Variants in ANO4 observed in about 807,000 individuals in gnomAD.
The protein encoded by ANO4 is anoctamin 4.
A neutral mutation model predicts 141.9 loss-of-function variants in ANO4; 69 were observed. The observed-to-expected ratio is 0.49, with a 90% CI of 0.40 to 0.59. ANO4 has a LOEUF of 0.59. Among genes scored for constraint, ANO4 ranks in the 20% least tolerant of loss-of-function variants. ANO4 has a pLI of 0.00. For synonymous variants in ANO4, 350 were observed against 394.3 expected (o/e 0.89, Z 1.33); for missense variants, 894 against 1,162.2 (o/e 0.77, Z 3.36).
Position 101,079,291 on chromosome 12 carries a change from C to G in ANO4, c.1395+16C>G. On this transcript the variant is annotated intron_variant, in intron 15 of 27. Transcript: ENST00000392977. The stretch of plus-strand genomic sequence containing the variant: ...AGAAGAGGAGGTTTGTATCATTTAC[C>G]TCAGAATGTTGTAAAAAGCAAATCA... 3 of 1,604,078 alleles carry G rather than the reference C, an allele frequency of 1.9e-6. No homozygotes were observed. The highest frequency in any genetic ancestry group is 1.1e-5 in the South Asian group (1 of 90,716).
At position 100,802,034 on chromosome 12, in the gene ANO4, T is replaced by G. The variant is rs540257549; in HGVS notation, c.-141+7007T>G. On this transcript the variant is annotated intron_variant, in intron 1 of 27. Coordinates refer to ENST00000392977, the MANE Select transcript of ANO4 (RefSeq NM_001286615.2). The stretch of plus-strand genomic sequence containing the variant: ...CCCTTTTGCCCTTGAGGGTACACTT[T>G]GCCATTCAAAGTCATCACAAGGAAG... Among the ~76,000 whole-genome samples the G allele has an allele frequency of 3.3e-5, 5 of 152,236 alleles. No individual in the cohort carries two copies. In the East Asian group the frequency reaches 9.7e-4, roughly 29 times the overall value.
At chr12:101,120,722 A>T in intron 26 of ANO4, 97 bp downstream of exon 26, 3 of 943,850 alleles carry the variant, frequency 3.2e-6, no homozygotes, top group Non-Finnish European at 5.0e-6. Context: ...GAATGTGATT[A>T]TCTATATTTC....
intron 14 of ANO4, among the ~76,000 whole-genome samples, chr12:101,069,728 T>C (rs1175675598): frequency 6.6e-5 from 10 of 152,182 alleles, no homozygotes; most frequent in African/African-American, 2.2e-4. Flanking sequence ...GTTTGTACTA[T>C]AACAACAGCA....
At chr12:100,851,517 T>G (rs1050640755) in intron 1 of ANO4, among the ~76,000 whole-genome samples, 1 of 152,224 alleles carries the variant, frequency 6.6e-6, no homozygotes, top group African/African-American at 2.4e-5. Context: ...AATTTAAGAA[T>G]TTATTTATAT....
chr12:100,892,660 C>T (rs1260674030), intron 1 of ANO4, among the ~76,000 whole-genome samples: 2 of 152,180 alleles, frequency 1.3e-5, no homozygotes, highest in African/African-American at 4.8e-5. Flanking sequence ...CTATGTGCAT[C>T]CTTCCATATA....
intron 7 of ANO4, among the ~76,000 whole-genome samples, chr12:100,975,606 A>G (rs2044141500): frequency 6.6e-6 from 1 of 151,596 alleles, no homozygotes; most frequent in African/African-American, 2.4e-5. Context: ...ACGCCCAGCT[A>G]ATTTCTGTAT....
intron 1 of ANO4, among the ~76,000 whole-genome samples, chr12:100,863,834 T>C (rs2038610367): frequency 6.6e-6 from 1 of 152,200 alleles, no homozygotes; most frequent in Non-Finnish European, 1.5e-5. Flanking sequence ...AAATTCTTTA[T>C]AAACTACCCC....
chr12:100,990,419 C>G (rs1031536400), intron 8 of ANO4, among the ~76,000 whole-genome samples: 2 of 152,092 alleles, frequency 1.3e-5, no homozygotes, highest in African/African-American at 4.8e-5. Flanking sequence ...AACTGAGAAT[C>G]ATATTTTTGG....
rs536432009 is a variant in ANO4, at chr12:100,893,692, C to T, written c.-140-7954C>T. Among the ~76,000 whole-genome samples the T allele has an allele frequency of 8.6e-4, 131 of 152,086 alleles. 1 individual carries two copies. Among genetic ancestry groups the T allele is most frequent in the Admixed American group, 3.1e-3 (47 of 15,260 alleles). On this transcript the variant is annotated intron_variant, in intron 1 of 27. Coordinates refer to ENST00000392977, the MANE Select transcript of ANO4 (RefSeq NM_001286615.2). ...ATGGAGCAGGGAATATACCTTCTCT[C>T]TCTATTGGGAAGTACTAACAAGTCA...
chr12:100,973,565 G>T (rs1285649563), intron 6 of ANO4, among the ~76,000 whole-genome samples: 1 of 152,204 alleles, frequency 6.6e-6, no homozygotes, highest in African/African-American at 2.4e-5. Flanking sequence ...ACTTTTTAGA[G>T]AAATTTTTAG....
At chr12:101,068,620 G>A in intron 14 of ANO4, 1 of 1,386,060 alleles carries the variant, frequency 7.2e-7, no homozygotes, top group Non-Finnish European at 1.0e-6. Flanking sequence ...CCTTTTTACT[G>A]GAGTTAAGGA....
At chr12:100,848,172 C>T (rs1216657566) in intron 1 of ANO4, among the ~76,000 whole-genome samples, 3 of 152,028 alleles carry the variant, frequency 2.0e-5, no homozygotes, top group African/African-American at 7.2e-5. Context: ...AAATGTTCCC[C>T]TTCAGAGTAC....
At chr12:100,785,605 C>T (rs1322300700) in intron 3 of ANO4, among the ~76,000 whole-genome samples, 1 of 152,136 alleles carries the variant, frequency 6.6e-6, no homozygotes, top group Non-Finnish European at 1.5e-5. Context: ...GAATAATATT[C>T]CATTGTCTGG....
intron 1 of ANO4, among the ~76,000 whole-genome samples, chr12:100,814,335 AT>A (rs1387997025): frequency 2.0e-5 from 3 of 152,168 alleles, no homozygotes; most frequent in Admixed American, 2.0e-4. Flanking sequence ...GTTTTAGAAC[AT>A]TTTTGTCACC....
intron 3 of ANO4, among the ~76,000 whole-genome samples, chr12:100,765,403 G>A (rs1335546742): frequency 7.9e-6 from 1 of 126,510 alleles, no homozygotes; most frequent in Non-Finnish European, 1.6e-5. Flanking sequence ...TTTTGAGACA[G>A]GGTTCTACTC....
chr12:100,799,298 C>G (rs2034537836), intron 1 of ANO4, among the ~76,000 whole-genome samples: 1 of 152,138 alleles, frequency 6.6e-6, no homozygotes, highest in South Asian at 2.1e-4. Context: ...CTTCCTTTGA[C>G]CCTGCAAAGC....
At chr12:101,127,421 T>A (rs564225635) in intron 27 of ANO4, among the ~76,000 whole-genome samples, 1 of 152,192 alleles carries the variant, frequency 6.6e-6, no homozygotes, top group East Asian at 1.9e-4. Flanking sequence ...ACATGCCCCT[T>A]CTTTCTAGGT....
At chr12:100,800,523 C>A (rs550675230) in intron 1 of ANO4, among the ~76,000 whole-genome samples, 2 of 152,302 alleles carry the variant, frequency 1.3e-5, no homozygotes, top group African/African-American at 4.8e-5. Flanking sequence ...TAGAAGGGCA[C>A]CTTTGCTGTC....
intron 3 of ANO4, among the ~76,000 whole-genome samples, chr12:100,763,955 C>T (rs2032978612): frequency 6.6e-6 from 1 of 151,860 alleles, no homozygotes; most frequent in Non-Finnish European, 1.5e-5. Context: ...TTATGTATCT[C>T]AAGTTCCTTT....
Sources: gnomAD v4.1 joint callset for allele counts (sites outside exome capture counted in the v4.1 genomes callset) on GRCh38, gnomAD v4.1.1 for gene constraint, MANE v1.5 for transcripts, NCBI Gene and HGNC (gene_info 2026-07-23, HGNC 2026-07-21) for gene names.